Variants in TUBE1 observed in about 807,000 individuals in gnomAD.
TUBE1 encodes tubulin epsilon 1, also known as tubulin epsilon chain.
In TUBE1, 34 loss-of-function variants were observed where a neutral mutation model predicts 53.5. The observed-to-expected ratio is 0.64, with a 90% CI of 0.48 to 0.85. TUBE1 has a LOEUF of 0.85. Among genes scored for constraint, TUBE1 ranks in the 40% least tolerant of loss-of-function variants. The pLI is 0.00. For synonymous variants in TUBE1, 177 were observed against 198.4 expected, an observed-to-expected ratio of 0.89 and a Z score of 0.91; for missense variants, 532 against 570.5, an observed-to-expected ratio of 0.93 and a Z score of 0.69.
intron 6 of TUBE1, 194 bp downstream of exon 6, chr6:112,079,439 A>G: frequency 2.3e-6 from 1 of 441,744 alleles, no homozygotes; most frequent in Non-Finnish European, 3.8e-6. Flanking sequence ...AAAAAAAAGA[A>G]AAGAAAAGAA....
In TUBE1 at chr6:112,079,733, G is replaced by A. The variant is rs1411097088; in HGVS notation, c.348C>T (p.Phe116=). 1.1e-5 allele frequency: 18 copies of A among 1,609,108 alleles called. No homozygotes were observed. The highest frequency in any genetic ancestry group is 2.2e-5 in the East Asian group (1 of 44,698). Residue 116 remains phenylalanine, a synonymous_variant, in exon 6 of 12, where the codon TTC becomes TTT. Transcript: ENST00000368662. ...GNNWAVGHKV[F]GSLYQDQILE... ...AAATCTGGTCTTGGTAAAGACTGCC[G>A]AAAACTTTGTGACCCACGGCCCTGA...
Position 112,071,984 on chromosome 6 carries a change from A to T in TUBE1, c.1187T>A (p.Leu396Ter). 4 of 1,613,404 alleles carry T rather than the reference A, an allele frequency of 2.5e-6. No homozygotes were observed. Among genetic ancestry groups the T allele is most frequent in the Non-Finnish European group, 3.4e-6 (4 of 1,179,698 alleles). ...ACATGTGTTATTTGCTAAAGCTAAT[A>T]ACGAATGAGAATGGCCCACAGGAGG... is the stretch of plus-strand genomic sequence containing the variant. ...SVPPVGHSHS[L>*]LALANNTCVK... Residue 396 changes from leucine to a stop codon, truncating the protein, a stop_gained, in exon 11 of 12, where the codon TTA becomes TAA. Coordinates refer to ENST00000368662, the MANE Select transcript of TUBE1 (RefSeq NM_016262.5). LOFTEE classifies it high-confidence loss of function.
chr6:112,087,317 A>G lies in TUBE1; in HGVS notation c.26-11T>C, dbSNP rs1554317530. 1 of 1,552,008 alleles carries G rather than the reference A, an allele frequency of 6.4e-7. No homozygotes were observed. Among genetic ancestry groups the G allele is most frequent in the Admixed American group, 2.0e-5 (1 of 51,060 alleles). ...TTCCGCACTGGCCGACTGCGACCGGAGGAGAGGAAGGAAAGAGAATAGGAC... is the reference window on the plus strand; with the variant it reads ...TTCCGCACTGGCCGACTGCGACCGGGGGAGAGGAAGGAAAGAGAATAGGAC... On this transcript the variant is annotated splice_polypyrimidine_tract_variant and intron_variant, in intron 1 of 11. Coordinates refer to ENST00000368662, the MANE Select transcript of TUBE1 (RefSeq NM_016262.5).
At chr6:112,081,661 T>C (rs1554316766) in intron 4 of TUBE1, among the ~76,000 whole-genome samples, 1 of 152,022 alleles carries the variant, frequency 6.6e-6, no homozygotes, top group Non-Finnish European at 1.5e-5. Flanking sequence ...AGGCACTGGA[T>C]AGATGTAAAA....
chr6:112,071,789 A>G (rs1471453189), intron 11 of TUBE1, 113 bp downstream of exon 11: 5 of 1,112,410 alleles, frequency 4.5e-6, no homozygotes, highest in Non-Finnish European at 6.3e-6. Context: ...TATAATCAGT[A>G]CAACGCACAT....
rs914605234 is a variant in TUBE1 at position 112,079,672 on chromosome 6, A to C, written c.409T>G (p.Cys137Gly). 1.2e-6 allele frequency: 2 copies of C among 1,612,662 alleles called. No homozygotes were observed. Among genetic ancestry groups the C allele is most frequent in the African/African-American group, 2.7e-5 (2 of 74,812 alleles). ...KFRKSAEHCD[C>G]LQCFFIIHSM... ...TGTATTATAAAGAAACACTGCAAGC[A>C]ATCACAGTGCTCTGCCGACTTTCTG... The change falls in exon 6 of 12, where the codon TGC becomes GGC. Residue 137 changes from cysteine to glycine, a missense_variant. By Grantham distance (159) the Cys-to-Gly change is radical. Transcript: ENST00000368662.
chr6:112,085,193 A>G (rs1777128839), intron 3 of TUBE1: 1 of 152,352 alleles, frequency 6.6e-6, no homozygotes, highest in African/African-American at 2.4e-5. Context: ...AAAGGTATAA[A>G]AATTTGATAA....
Position 112,071,893 on chromosome 6 carries a change from A to G in TUBE1, c.1269+9T>C, listed in dbSNP as rs782532496. ...AACACATACAGTTACAAAGCTGTAC[A>G]ATAATTACCTTTTTCTTGTAGAGCC... On this transcript the variant is annotated intron_variant, in intron 11 of 11. Transcript: ENST00000368662. 1.3e-6 allele frequency: 2 copies of G among 1,589,706 alleles called. No individual in the cohort carries two copies. Among genetic ancestry groups the G allele is most frequent in the African/African-American group, 1.4e-5 (1 of 73,550 alleles).
At chr6:112,084,756 C>T (rs919170124) in intron 3 of TUBE1, among the ~76,000 whole-genome samples, 2 of 152,214 alleles carry the variant, frequency 1.3e-5, no homozygotes, top group African/African-American at 2.4e-5. Flanking sequence ...AATACCTTTA[C>T]TGCCTCAGCC....
rs1314357014 is a variant in TUBE1, at chr6:112,071,941, C to T, written c.1230G>A (p.Met410Ile). 6.2e-7 allele frequency: 1 copy of T among 1,609,354 alleles called. No homozygotes were observed. Among genetic ancestry groups the T allele is most frequent in the Non-Finnish European group, 8.5e-7 (1 of 1,178,534 alleles). ...ANNTCVKPTFMELKERFMRLY... is the reference protein window; with the variant it reads ...ANNTCVKPTFIELKERFMRLY... Reference sequence around the variant, plus strand: ...GCCTCATGAATCTCTCTTTCAGTTCCATGAAGGTGGGCTTCACACATGTGT... The same window carrying T: ...GCCTCATGAATCTCTCTTTCAGTTCTATGAAGGTGGGCTTCACACATGTGT... Residue 410 changes from methionine (M) to isoleucine (I), a missense_variant, in exon 11 of 12, where the codon ATG (methionine) becomes ATA (isoleucine). Coordinates refer to ENST00000368662, the MANE Select transcript of TUBE1 (RefSeq NM_016262.5).
rs1583590208 is a variant in TUBE1 at position 112,071,223 on chromosome 6, A to T, written c.*189T>A. ...GAAGAGAAATGTTTGAAGTTAAGGT[A>T]CTAAGATTTCACTAATTTCACACAT... On this transcript the variant is annotated 3_prime_UTR_variant, in exon 12 of 12. Transcript: ENST00000368662. The T allele has an allele frequency of 2.0e-6, 1 of 494,326 alleles. No individual in the cohort carries two copies. Among genetic ancestry groups the T allele is most frequent in the African/African-American group, 1.9e-5 (1 of 52,068 alleles). 30.6% of individuals were successfully genotyped at this position (494,326 alleles called of 1,614,324 possible).
chr6:112,076,116 T>C lies in TUBE1; in HGVS notation c.637-4A>G, dbSNP rs782191684. 8 of 1,608,668 alleles carry C rather than the reference T, an allele frequency of 5.0e-6. No individual in the cohort carries two copies. The highest frequency in any genetic ancestry group is 1.3e-5 in the African/African-American group (1 of 74,782). On this transcript the variant is annotated splice_polypyrimidine_tract_variant and splice_region_variant and intron_variant, in intron 7 of 11. Transcript: ENST00000368662. ...TGCTAATGATGTCAAATAAAGACTTTTGAGGGAAAAACATTGGGAGAGAAG... is the reference window on the plus strand; with the variant it reads ...TGCTAATGATGTCAAATAAAGACTTCTGAGGGAAAAACATTGGGAGAGAAG...
At position 112,079,601 on chromosome 6, in the gene TUBE1, A is replaced by G. The variant is rs781999309; in HGVS notation, c.448+32T>C. ...AATGAATTCCCACTTATCCTTTAAC[A>G]CTGTTACAGGCAAATGAGTGAAAAA... On this transcript the variant is annotated intron_variant, in intron 6 of 11. Coordinates refer to ENST00000368662, the MANE Select transcript of TUBE1 (RefSeq NM_016262.5). 7.5e-6 allele frequency: 12 copies of G among 1,606,088 alleles called. No individual in the cohort carries two copies. The South Asian group carries it at 9.0e-5, about 12-fold the overall frequency.
intron 3 of TUBE1, chr6:112,085,420 A>C (rs1777132527): frequency 4.1e-6 from 1 of 246,818 alleles, no homozygotes; most frequent in African/African-American, 2.3e-5. Flanking sequence ...TTATGAAGAA[A>C]GAAAAGCTCC....
chr6:112,079,270 G>A (rs1181157952), intron 6 of TUBE1: 1 of 161,234 alleles, frequency 6.2e-6, no homozygotes, highest in African/African-American at 2.4e-5. Flanking sequence ...CTAGGAAATA[G>A]GACTGTACAG....
chr6:112,077,133 A>T (rs1776984889), intron 6 of TUBE1: 1 of 152,244 alleles, frequency 6.6e-6, no homozygotes, highest in African/African-American at 2.4e-5. Context: ...TTTGATATTA[A>T]GCAACTTAAG....
intron 9 of TUBE1, 87 bp downstream of exon 9, chr6:112,074,619 ATAAC>A (rs1776923210): frequency 3.2e-6 from 3 of 949,172 alleles, no homozygotes; most frequent in Non-Finnish European, 4.3e-6. Context: ...ATACAATTAA[ATAAC>A]TAGAGTTATT....
chr6:112,085,849 C>A (rs1223105962), intron 3 of TUBE1: 1 of 369,278 alleles, frequency 2.7e-6, no homozygotes, highest in African/African-American at 2.1e-5. Context: ...AATGACACTT[C>A]TGAGTTTGCA....
intron 4 of TUBE1, chr6:112,083,964 A>C (rs1299949173): frequency 2.0e-6 from 1 of 504,122 alleles, no homozygotes; most frequent in Non-Finnish European, 3.6e-6. Flanking sequence ...TTATCTAGAC[A>C]CTATTTCTCC....
Sources: gnomAD v4.1 joint callset for allele counts (sites outside exome capture counted in the v4.1 genomes callset) on GRCh38, gnomAD v4.1.1 for gene constraint, MANE v1.5 for transcripts, NCBI Gene and HGNC (gene_info 2026-07-23, HGNC 2026-07-21) for gene names.